Variants in NBPF15 observed in about 807,000 individuals in gnomAD.
The protein encoded by NBPF15 is NBPF member 15.
Under a neutral mutation model 62.2 loss-of-function variants are expected in NBPF15, and 74 were observed. The ratio of observed to expected loss-of-function variants is 1.19; its 90% CI spans 0.99 to 1.44. NBPF15 has a LOEUF of 1.44. Ranked by LOEUF, NBPF15 falls within the 40% of genes most tolerant of loss-of-function variation. NBPF15 has a pLI of 0.00. For synonymous variants in NBPF15, 244 were observed against 209.7 expected, an observed-to-expected ratio of 1.16 and a Z score of -1.41; for missense variants, 790 against 550.0, an observed-to-expected ratio of 1.44 and a Z score of -4.36.
At chr1:144,452,202 A>G (rs1440771537) in intron 4 of NBPF15, among the ~76,000 whole-genome samples, 9 of 152,044 alleles carry the variant, frequency 5.9e-5, no homozygotes, top group African/African-American at 2.2e-4. Context: ...TTCAAATATT[A>G]TTATGTGAAA....
At chr1:144,457,934 A>G (rs1383620624) in intron 3 of NBPF15, among the ~76,000 whole-genome samples, 1 of 151,892 alleles carries the variant, frequency 6.6e-6, no homozygotes, top group East Asian at 1.9e-4. Context: ...CAAAAAATAG[A>G]AAATTAGCCG....
Position 144,423,008 on chromosome 1 carries a change from G to A in NBPF15, c.*5C>T. The A allele has an allele frequency of 6.2e-7, 1 of 1,611,656 alleles. No homozygotes were observed. Among genetic ancestry groups the A allele is most frequent in the Non-Finnish European group, 8.5e-7 (1 of 1,179,634 alleles). Reference sequence around the variant, plus strand: ...AATGACATCTCTCGGCTTAGTAAGAGCTGCTTATTGTGGGAATATGACTCC... The same window carrying A: ...AATGACATCTCTCGGCTTAGTAAGAACTGCTTATTGTGGGAATATGACTCC... On this transcript the variant is annotated 3_prime_UTR_variant, in exon 22 of 22. Transcript: ENST00000581897.
intron 16 of NBPF15, 94 bp downstream of exon 16, chr1:144,427,724 A>G (rs1191162862): frequency 1.6e-6 from 1 of 610,324 alleles, no homozygotes; most frequent in African/African-American, 2.0e-5. Context: ...TGGCAATGAC[A>G]TCTCTCAGCT....
chr1:144,445,395 G>A (rs1484157656), intron 6 of NBPF15, among the ~76,000 whole-genome samples: 2 of 143,446 alleles, frequency 1.4e-5, no homozygotes, highest in Admixed American at 7.0e-5. Context: ...TTGTGTGTGT[G>A]TGTGTATACA....
intron 13 of NBPF15, among the ~76,000 whole-genome samples, chr1:144,433,468 GATAGAGACACAAAA>G (rs1343887289): frequency 2.7e-5 from 4 of 148,512 alleles, no homozygotes; most frequent in Non-Finnish European, 6.0e-5. Context: ...AACTAAAGGA[GATAGAGACACAAAA>G]AACCCTTCAA....
chr1:144,453,673 T>G (rs1692658093), intron 4 of NBPF15, among the ~76,000 whole-genome samples: 1 of 135,014 alleles, frequency 7.4e-6, no homozygotes, highest in African/African-American at 2.7e-5. Context: ...GTGAAACATC[T>G]GAACACCTCA....
rs1683621721 is a variant in NBPF15, at chr1:144,442,168, A to ATATAATATATATACACGTG, written c.-190-1874_-190-1873insCACGTGTATATATATTATA. On this transcript the variant is annotated intron_variant, in intron 6 of 21. Coordinates refer to ENST00000581897, the MANE Select transcript of NBPF15 (RefSeq NM_001385408.1). Reference sequence around the variant, plus strand: ...ATATAATATATATACACGTGTATATATATATATATATAATATATATACACG... The same window carrying ATATAATATATATACACGTG: ...ATATAATATATATACACGTGTATATATATAATATATATACACGTGTATATATATATAATATATATACACG... 2.0e-4 allele frequency among the ~76,000 whole-genome samples: 21 copies of ATATAATATATATACACGTG among 106,886 alleles called. 1 individual carries two copies. The highest frequency in any genetic ancestry group is 1.0e-3 in the African/African-American group (21 of 20,494). 70.1% of individuals were successfully genotyped at this position (106,886 alleles called of 152,430 possible). A position where few individuals can be genotyped will look rare whatever the true frequency, so the allele number is the denominator to read the frequency against.
At chr1:144,451,559 C>T (rs1410379138) in intron 4 of NBPF15, among the ~76,000 whole-genome samples, 1 of 151,920 alleles carries the variant, frequency 6.6e-6, no homozygotes, top group Non-Finnish European at 1.5e-5. Flanking sequence ...GGCAGAGGTC[C>T]CTGCAGTCTT....
At chr1:144,444,340 C>T (rs1290429126) in intron 6 of NBPF15, among the ~76,000 whole-genome samples, 1 of 150,786 alleles carries the variant, frequency 6.6e-6, no homozygotes, top group Non-Finnish European at 1.5e-5. Context: ...AAGAGTTTTG[C>T]CTAGGTTTTT....
At position 144,435,250 on chromosome 1, in the gene NBPF15, A is replaced by T; in HGVS notation, c.633T>A (p.Cys211Ter). The change falls in exon 12 of 22, where the codon TGT becomes TGA. Residue 211 changes from cysteine (C) to a stop codon, truncating the protein, a stop_gained. Transcript: ENST00000581897. LOFTEE classifies it high-confidence loss of function. The part of the protein sequence containing the change: ...EDSLEECAIT[C>*]SNSHGPYDSN... ...AGTCATAAGGGCCATGGCTATTTGA[A>T]CAAGTGATGGCACATTCCTCCAGTG... 6.2e-7 allele frequency: 1 copy of T among 1,612,772 alleles called. No homozygotes were observed. Among genetic ancestry groups the T allele is most frequent in the Non-Finnish European group, 8.5e-7 (1 of 1,179,632 alleles).
At chr1:144,429,111 A>G (rs587677490) in intron 14 of NBPF15, among the ~76,000 whole-genome samples, 1 of 152,058 alleles carries the variant, frequency 6.6e-6, no homozygotes, top group East Asian at 1.9e-4. Context: ...ACACAGAAGC[A>G]TCAGCTATTA....
rs1679920601 is a variant in NBPF15, at chr1:144,438,037, C to T, written c.186G>A (p.Glu62=). The change falls in exon 9 of 22, where the codon GAG becomes GAA. Residue 62 remains glutamate (E), a synonymous_variant. Transcript: ENST00000581897. ...GCATAAATTTTATGAGATCTTTGCA[C>T]TCTTCATATTCTGAGAAAAGACAGA... is the stretch of plus-strand genomic sequence containing the variant. ...ANRQKKYKYE[E]CKDLIKFMLR... 1.2e-6 allele frequency: 2 copies of T among 1,611,456 alleles called. No homozygotes were observed. The highest frequency in any genetic ancestry group is 1.1e-5 in the South Asian group (1 of 90,984).
chr1:144,456,675 C>A lies in NBPF15; in HGVS notation c.-570G>T, dbSNP rs587601763. On this transcript the variant is annotated 5_prime_UTR_variant, in exon 4 of 22. Transcript: ENST00000581897. ...CAGTGGGAGTTGGTGGCAGCCCCAG[C>A]GTGGAGGCCAAGAACACACAGCACT... 7.6e-5 allele frequency: 109 copies of A among 1,439,762 alleles called. 2 individuals carry two copies. The East Asian group carries it at 2.8e-3, about 37-fold the overall frequency. 89.2% of individuals were successfully genotyped at this position (1,439,762 alleles called of 1,614,324 possible).
chr1:144,423,345 G>T lies in NBPF15; in HGVS notation c.1770-89C>A, dbSNP rs587630978. 503 of 1,605,190 alleles carry T rather than the reference G, an allele frequency of 3.1e-4. 3 individuals are homozygous for T. The African/African-American group carries it at 5.6e-3, about 18-fold the overall frequency. ...GATTTCAGAAGTAATATAAGGAAGT[G>T]GTTAGAAAAGAAAAAGGATAGATTC... On this transcript the variant is annotated intron_variant, in intron 21 of 21. Transcript: ENST00000581897.
chr1:144,424,011 C>T (rs1420742451), intron 20 of NBPF15, 36 bp from the exon 21 acceptor site: 5 of 762,810 alleles, frequency 6.6e-6, no homozygotes, highest in Non-Finnish European at 1.2e-5. Context: ...ACACATTAAG[C>T]TGATTCCCCT....
rs2101590306 is a variant in NBPF15 at position 144,424,702 on chromosome 1, G to C, written c.1651C>G (p.Leu551Val). The change falls in exon 20 of 22, where the codon CTT (leucine) becomes GTT (valine). Residue 551 changes from leucine (L) to valine (V), a missense_variant. Physicochemically the swap from Leu to Val is conservative, Grantham distance 32 (BLOSUM62 1). Transcript: ENST00000581897. Reference sequence around the variant, plus strand: ...GAAAGGTACTCACCTCCCACGTCAAGAGAAAAGCCAACATGTTTTTCCTCC... The same window carrying C: ...GAAAGGTACTCACCTCCCACGTCAACAGAAAAGCCAACATGTTTTTCCTCC... ...ALEEKHVGFSLDVGEIEKKGK... is the reference protein window; with the variant it reads ...ALEEKHVGFSVDVGEIEKKGK... The C allele has an allele frequency of 1.6e-6, 1 of 626,208 alleles. No individual in the cohort carries two copies. Among genetic ancestry groups the C allele is most frequent in the East Asian group, 2.7e-5 (1 of 37,676 alleles). 38.8% of individuals were successfully genotyped at this position (626,208 alleles called of 1,614,324 possible).
rs1416949293 is a variant in NBPF15 at position 144,422,931 on chromosome 1, G to C, written c.*82C>G. Reference sequence around the variant, plus strand: ...CCATCCTATGTCTGGGCTTCCAAATGGAACTGTACTTTCATTCAAATCTTC... The same window carrying C: ...CCATCCTATGTCTGGGCTTCCAAATCGAACTGTACTTTCATTCAAATCTTC... On this transcript the variant is annotated 3_prime_UTR_variant, in exon 22 of 22. Coordinates refer to ENST00000581897, the MANE Select transcript of NBPF15 (RefSeq NM_001385408.1). The C allele has an allele frequency of 1.9e-6, 3 of 1,611,216 alleles. No homozygotes were observed. Among genetic ancestry groups the C allele is most frequent in the African/African-American group, 1.3e-5 (1 of 74,866 alleles).
chr1:144,435,290 T>G lies in NBPF15; in HGVS notation c.593A>C (p.Glu198Ala). 3 of 1,611,350 alleles carry G rather than the reference T, an allele frequency of 1.9e-6. No individual in the cohort carries two copies. Among genetic ancestry groups the G allele is most frequent in the Non-Finnish European group, 2.5e-6 (3 of 1,179,194 alleles). The change falls in exon 12 of 22, where the codon GAA becomes GCA. Residue 198 changes from glutamate to alanine, a missense_variant. Coordinates refer to ENST00000581897, the MANE Select transcript of NBPF15 (RefSeq NM_001385408.1). ...TTCCTCCAGTGAGTCCTCAGGGACTTCCTTTTCTTCAGCCTTCTGCATCTC... is the reference window on the plus strand; with the variant it reads ...TTCCTCCAGTGAGTCCTCAGGGACTGCCTTTTCTTCAGCCTTCTGCATCTC... ...PREMQKAEEK[E>A]VPEDSLEECA...
rs782271088 is a variant in NBPF15 at position 144,426,324 on chromosome 1, A to C, written c.1392T>G (p.Val464=). The C allele has an allele frequency of 1.3e-5, 10 of 764,778 alleles. No homozygotes were observed. The highest frequency in any genetic ancestry group is 3.5e-5 in the Admixed American group (2 of 56,938). The allele number at this position is 764,778 out of a possible 1,614,324, so 47.4% of individuals were successfully genotyped here. The change falls in exon 18 of 22, where the codon GTT becomes GTG. Residue 464 remains valine (V), a synonymous_variant. Transcript: ENST00000581897. The stretch of plus-strand genomic sequence containing the variant: ...CAAGGTACTGTTCCTCCAATGAGTA[A>C]ACAGCACTGCTGTAGGGCTGGCCTA... ...PDLGQPYSSA[V]YSLEEQYLGL... is the part of the protein sequence containing the mutation.
Sources: allele counts gnomAD v4.1 joint callset (sites outside exome capture counted in the v4.1 genomes callset), GRCh38; gene constraint gnomAD v4.1.1; transcripts MANE v1.5; gene names NCBI Gene and HGNC (gene_info 2026-07-23, HGNC 2026-07-21).